Variants in CAPZB observed in about 807,000 individuals in gnomAD.
CAPZB encodes the protein capping actin protein of muscle Z-line subunit beta.
CAPZB carries 2 observed loss-of-function variants against 38.1 expected under a neutral mutation model. The ratio of observed to expected loss-of-function variants is 0.05; its 90% CI spans 0.02 to 0.17. CAPZB has a LOEUF of 0.17. Ranked by LOEUF, CAPZB falls within the 10% of genes least tolerant of loss-of-function variation. CAPZB has a pLI of 1.00. For missense variants in CAPZB, 161 were observed against 334.2 expected, an observed-to-expected ratio of 0.48 and a Z score of 4.04; for synonymous variants, 107 against 127.4, an observed-to-expected ratio of 0.84 and a Z score of 1.08.
rs370958403 is a variant in CAPZB at position 19,435,043 on chromosome 1, C to T, written c.4-15293G>A. Among the ~76,000 whole-genome samples, 48 of 137,056 alleles carry T rather than the reference C, an allele frequency of 3.5e-4. 2 individuals carry two copies. The highest frequency in any genetic ancestry group is 1.1e-3 in the African/African-American group (42 of 39,162). The allele number at this position is 137,056 out of a possible 152,430, so 89.9% of individuals were successfully genotyped here. On this transcript the variant is annotated intron_variant, in intron 1 of 8. Coordinates refer to ENST00000264202, the MANE Select transcript of CAPZB (RefSeq NM_004930.5). ...TATAATATGGAATTAAACATATACA[C>T]GCACACTCTCACTTATGTAAGTTAA...
intron 4 of CAPZB, among the ~76,000 whole-genome samples, chr1:19,373,909 G>A (rs1415501064): frequency 1.3e-5 from 2 of 152,010 alleles, no homozygotes; most frequent in Non-Finnish European, 2.9e-5. Context: ...CGCCCAGGCT[G>A]GTCTCGAGCT....
At chr1:19,395,128 A>G (rs533175755) in intron 2 of CAPZB, among the ~76,000 whole-genome samples, 46 of 152,248 alleles carry the variant, frequency 3.0e-4, no homozygotes, top group African/African-American at 1.1e-3. Flanking sequence ...CTTCCAGTGG[A>G]TTTTTCGTCA....
At position 19,347,921 on chromosome 1, in the gene CAPZB, G is replaced by A. The variant is rs2093970704; in HGVS notation, c.589-2669C>T. On this transcript the variant is annotated intron_variant, in intron 6 of 8. Transcript: ENST00000264202. ...CACCACGCCAGTTAAATGTACCAGG[G>A]CAAATGCAAGCCAGATATTTAGGCT... 2.0e-5 allele frequency among the ~76,000 whole-genome samples: 3 copies of A among 152,178 alleles called. No individual in the cohort carries two copies. In the South Asian group the frequency reaches 6.2e-4, roughly 31 times the overall value.
intron 1 of CAPZB, among the ~76,000 whole-genome samples, chr1:19,443,676 C>T (rs996517642): frequency 3.3e-5 from 5 of 152,126 alleles, no homozygotes; most frequent in African/African-American, 7.2e-5. Context: ...TCAGTGTCTC[C>T]GGTGTGCCAG....
chr1:19,477,784 T>G (rs575310611), intron 1 of CAPZB, among the ~76,000 whole-genome samples: 1 of 152,330 alleles, frequency 6.6e-6, no homozygotes, highest in African/African-American at 2.4e-5. Context: ...GGGGTCTTAC[T>G]ATGTTGCCCA....
At chr1:19,427,124 G>A (rs1402367380) in intron 1 of CAPZB, among the ~76,000 whole-genome samples, 1 of 152,216 alleles carries the variant, frequency 6.6e-6, no homozygotes, top group Non-Finnish European at 1.5e-5. Flanking sequence ...AGCCTCACCG[G>A]AGTGTGTACG....
At chr1:19,373,191 G>A (rs2094127770) in intron 4 of CAPZB, among the ~76,000 whole-genome samples, 1 of 152,102 alleles carries the variant, frequency 6.6e-6, no homozygotes, top group African/African-American at 2.4e-5. Flanking sequence ...GGCAAGCCAG[G>A]AGCTAGTGGA....
chr1:19,437,570 T>C (rs1384324313), intron 1 of CAPZB, among the ~76,000 whole-genome samples: 1 of 152,074 alleles, frequency 6.6e-6, no homozygotes, highest in African/African-American at 2.4e-5. Flanking sequence ...CCTTCCACAG[T>C]CTTAAAGACT....
Position 19,339,324 on chromosome 1 carries a change from C to T in CAPZB, c.*206G>A, listed in dbSNP as rs1446943064. ...ATGGAAATGTGGAGAGAACTGAGAGCGAGGTGTGGCAGAAGCAGGCTCGGA... is the reference window on the plus strand; with the variant it reads ...ATGGAAATGTGGAGAGAACTGAGAGTGAGGTGTGGCAGAAGCAGGCTCGGA... On this transcript the variant is annotated 3_prime_UTR_variant, in exon 9 of 9. Transcript: ENST00000264202. The T allele has an allele frequency of 1.5e-5, 9 of 612,274 alleles. No homozygotes were observed. Among genetic ancestry groups the T allele is most frequent in the Non-Finnish European group, 2.6e-5 (9 of 343,126 alleles). The allele number at this position is 612,274 out of a possible 1,614,324, so 37.9% of individuals were successfully genotyped here. A position where few individuals can be genotyped will look rare whatever the true frequency, so the allele number is the denominator to read the frequency against.
chr1:19,366,283 A>AAAATATATATATATATATAT (rs2094085270), intron 4 of CAPZB, among the ~76,000 whole-genome samples: 1 of 60,504 alleles, frequency 1.7e-5, no homozygotes, highest in African/African-American at 6.4e-5. Context: ...CGTGTCTTAA[A>AAAATATATATATATATATAT]ATATATATAT....
At chr1:19,484,415 C>T (rs2094643180) in intron 1 of CAPZB, 4 of 1,522,242 alleles carry the variant, frequency 2.6e-6, no homozygotes, top group East Asian at 2.5e-5. Flanking sequence ...GCCCGGGCGC[C>T]GTGGACCCCG....
intron 1 of CAPZB, among the ~76,000 whole-genome samples, chr1:19,480,684 A>C (rs2094625049): frequency 6.6e-6 from 1 of 152,184 alleles, no homozygotes; most frequent in African/African-American, 2.4e-5. Flanking sequence ...TGGCACAAAC[A>C]AGGAATTCGG....
chr1:19,437,443 T>C (rs2094461706), intron 1 of CAPZB, among the ~76,000 whole-genome samples: 1 of 152,010 alleles, frequency 6.6e-6, no homozygotes, highest in Admixed American at 6.6e-5. Context: ...CCCAAATAAG[T>C]GTTTGGGTGG....
At chr1:19,464,593 T>G (rs891480233) in intron 1 of CAPZB, among the ~76,000 whole-genome samples, 1 of 152,122 alleles carries the variant, frequency 6.6e-6, no homozygotes, top group African/African-American at 2.4e-5. Context: ...CACCCGGCCC[T>G]ATCTGTGAAG....
chr1:19,479,748 C>T (rs2094620785), intron 1 of CAPZB, among the ~76,000 whole-genome samples: 1 of 152,170 alleles, frequency 6.6e-6, no homozygotes, highest in African/African-American at 2.4e-5. Flanking sequence ...AAAATACCAC[C>T]GCTCTGCCAG....
chr1:19,385,641 G>T lies in CAPZB; in HGVS notation c.94-15C>A. The T allele has an allele frequency of 6.2e-7, 1 of 1,614,192 alleles. No individual in the cohort carries two copies. Among genetic ancestry groups the T allele is most frequent in the Non-Finnish European group, 8.5e-7 (1 of 1,180,008 alleles). On this transcript the variant is annotated splice_polypyrimidine_tract_variant and intron_variant, in intron 2 of 8. Coordinates refer to ENST00000264202, the MANE Select transcript of CAPZB (RefSeq NM_004930.5). ...AGACTGGGGACCTGGCAGAGAGAAAGGACAAGGTCGAAACAGAGGTTAAAA... is the reference window on the plus strand; with the variant it reads ...AGACTGGGGACCTGGCAGAGAGAAATGACAAGGTCGAAACAGAGGTTAAAA...
At chr1:19,450,654 AG>A in intron 1 of CAPZB, among the ~76,000 whole-genome samples, 1 of 90,492 alleles carries the variant, frequency 1.1e-5, no homozygotes, top group East Asian at 3.6e-4. Flanking sequence ...CTGGTTCCAG[AG>A]ACCCAGGTGA....
intron 1 of CAPZB, chr1:19,424,555 A>C (rs1048287532): frequency 6.6e-6 from 1 of 152,460 alleles, no homozygotes; most frequent in Non-Finnish European, 1.5e-5. Context: ...CAGGTTGCCT[A>C]AGGAGGGGTG....
At chr1:19,392,064 T>G (rs1481183110) in intron 2 of CAPZB, among the ~76,000 whole-genome samples, 1 of 151,890 alleles carries the variant, frequency 6.6e-6, no homozygotes. Flanking sequence ...ATGCCTATAA[T>G]CCCAGCTACT....
Sources: allele counts gnomAD v4.1 joint callset (sites outside exome capture counted in the v4.1 genomes callset), GRCh38; gene constraint gnomAD v4.1.1; transcripts MANE v1.5; gene names NCBI Gene and HGNC (gene_info 2026-07-23, HGNC 2026-07-21).